Variants in MYO1B observed in about 807,000 individuals in gnomAD.
MYO1B encodes the protein myosin IB.
A neutral mutation model predicts 159.7 loss-of-function variants in MYO1B; 72 were observed. That is an observed-to-expected ratio of 0.45 (90% CI 0.37 to 0.55). MYO1B has a LOEUF of 0.55. Among genes scored for constraint, MYO1B ranks in the 20% least tolerant of loss-of-function variants. The probability of loss-of-function intolerance (pLI) is 0.00; values close to 1 mark genes in which losing one functional copy is unlikely to be tolerated. For synonymous variants in MYO1B, 468 were observed against 473.8 expected (o/e 0.99, Z 0.16); for missense variants, 1,062 against 1,364.8 (o/e 0.78, Z 3.50).
At position 191,276,969 on chromosome 2, in the gene MYO1B, C is replaced by G. The variant is rs780618509; in HGVS notation, c.74C>G (p.Pro25Arg). 6.2e-7 allele frequency: 1 copy of G among 1,613,984 alleles called. No homozygotes were observed. The highest frequency in any genetic ancestry group is 1.1e-5 in the South Asian group (1 of 91,054). The change falls in exon 2 of 31, where the codon CCT becomes CGT. Residue 25 changes from proline (P) to arginine (R), a missense_variant. Pro to Arg is a moderately radical substitution (Grantham distance 103). Coordinates refer to ENST00000392318, the MANE Select transcript of MYO1B (RefSeq NM_001130158.3). ...GTTGGGGATATGGTTCTTTTAGAACCTCTCAATGAGGAGACCTTCATCAAC... is the reference window on the plus strand; with the variant it reads ...GTTGGGGATATGGTTCTTTTAGAACGTCTCAATGAGGAGACCTTCATCAAC... ...IGVGDMVLLE[P>R]LNEETFINNL...
At chr2:191,314,722 CAT>C (rs1030607653) in intron 3 of MYO1B, among the ~76,000 whole-genome samples, 89 of 152,258 alleles carry the variant, frequency 5.8e-4, no homozygotes, top group African/African-American at 2.0e-3. Context: ...TCGTTTTCCA[CAT>C]ATGACTATAG....
At chr2:191,339,584 C>T (rs1471787194) in intron 4 of MYO1B, among the ~76,000 whole-genome samples, 1 of 152,178 alleles carries the variant, frequency 6.6e-6, no homozygotes, top group Non-Finnish European at 1.5e-5. Context: ...AGAAATCAAC[C>T]ACACAGATGA....
intron 7 of MYO1B, among the ~76,000 whole-genome samples, chr2:191,352,173 C>T (rs1271468012): frequency 6.6e-6 from 1 of 152,152 alleles, no homozygotes; most frequent in Non-Finnish European, 1.5e-5. Context: ...ACTCTTTTTA[C>T]AATATATGGC....
intron 11 of MYO1B, 59 bp downstream of exon 11, chr2:191,364,335 T>G (rs149863051): frequency 3.7e-6 from 5 of 1,361,796 alleles, no homozygotes; most frequent in Non-Finnish European, 5.2e-6. Context: ...AATTTTCATA[T>G]AAGTATAAAC....
At chr2:191,304,162 C>T (rs1689501763) in intron 3 of MYO1B, among the ~76,000 whole-genome samples, 2 of 152,348 alleles carry the variant, frequency 1.3e-5, no homozygotes, top group South Asian at 4.1e-4. Context: ...CAGTGGGAAA[C>T]ATCTCTGGGC....
chr2:191,370,646 T>C (rs934084532), intron 13 of MYO1B, among the ~76,000 whole-genome samples: 5 of 152,220 alleles, frequency 3.3e-5, no homozygotes, highest in African/African-American at 1.2e-4. Context: ...TCCAACAAGC[T>C]ACAATGAGTA....
At chr2:191,308,387 T>C (rs1689782743) in intron 3 of MYO1B, among the ~76,000 whole-genome samples, 1 of 152,208 alleles carries the variant, frequency 6.6e-6, no homozygotes, top group Admixed American at 6.5e-5. Flanking sequence ...AGGTTATTGT[T>C]GGAGTTTCTG....
intron 7 of MYO1B, among the ~76,000 whole-genome samples, chr2:191,359,198 A>G (rs1364296876): frequency 6.6e-6 from 1 of 152,036 alleles, no homozygotes; most frequent in African/African-American, 2.4e-5. Context: ...TGTGCTTTGC[A>G]TGTCAGTTTT....
chr2:191,371,041 G>A (rs536481957), intron 13 of MYO1B: 1 of 152,190 alleles, frequency 6.6e-6, no homozygotes, highest in Non-Finnish European at 1.5e-5. Context: ...ATCTACTTAT[G>A]TTAGAATTTC....
chr2:191,252,362 T>G (rs939680364), intron 1 of MYO1B, among the ~76,000 whole-genome samples: 2 of 152,212 alleles, frequency 1.3e-5, no homozygotes, highest in African/African-American at 4.8e-5. Flanking sequence ...TCTGTGACAT[T>G]CAGGAAGGAA....
chr2:191,265,810 C>T (rs954374725), intron 1 of MYO1B, among the ~76,000 whole-genome samples: 2 of 152,318 alleles, frequency 1.3e-5, no homozygotes, highest in Middle Eastern at 3.4e-3. Context: ...TTGGCTGCCT[C>T]GTCCCTCAGG....
At chr2:191,271,537 C>T (rs923024161) in intron 1 of MYO1B, among the ~76,000 whole-genome samples, 1 of 151,976 alleles carries the variant, frequency 6.6e-6, no homozygotes, top group African/African-American at 2.4e-5. Flanking sequence ...AAAAGAAGTT[C>T]CTTCAAATTT....
chr2:191,284,138 A>G (rs1395752588), intron 2 of MYO1B, among the ~76,000 whole-genome samples: 2 of 152,210 alleles, frequency 1.3e-5, no homozygotes, highest in Non-Finnish European at 2.9e-5. Context: ...ACAGCTGCAC[A>G]TGGCTCTTCA....
chr2:191,412,604 C>A (rs1444447233), intron 27 of MYO1B, among the ~76,000 whole-genome samples: 2 of 152,196 alleles, frequency 1.3e-5, no homozygotes, highest in Admixed American at 1.3e-4. Flanking sequence ...GAAACGCTGA[C>A]CACCTACGTG....
rs1237875189 is a variant in MYO1B at position 191,393,192 on chromosome 2, T to A, written c.2196T>A (p.Ile732=). Residue 732 remains isoleucine, a synonymous_variant, in exon 20 of 31, where the codon ATT becomes ATA. Transcript: ENST00000392318. Reference sequence around the variant, plus strand: ...TCCTGCTAATGAAAAAAAGCCAAATTGTGATTGCCGCCTGGTACAGGAGAT... The same window carrying A: ...TCCTGCTAATGAAAAAAAGCCAAATAGTGATTGCCGCCTGGTACAGGAGAT... ...THFLLMKKSQ[I]VIAAWYRRYA... 6.2e-7 allele frequency: 1 copy of A among 1,614,062 alleles called. No individual in the cohort carries two copies. Among genetic ancestry groups the A allele is most frequent in the Admixed American group, 1.7e-5 (1 of 60,022 alleles).
At chr2:191,377,943 C>T (rs1415945290) in intron 13 of MYO1B, 1 of 151,916 alleles carries the variant, frequency 6.6e-6, no homozygotes, top group South Asian at 2.1e-4. Flanking sequence ...ATGCTGATTT[C>T]TGTGGGGAAG....
chr2:191,414,399 T>A, intron 28 of MYO1B, 118 bp from the exon 29 acceptor site: 1 of 1,094,770 alleles, frequency 9.1e-7, no homozygotes, highest in African/African-American at 1.6e-5. Context: ...CGTTCTTGGT[T>A]TACATAGGTA....
At chr2:191,404,144 A>C (rs769769528) in intron 24 of MYO1B, among the ~76,000 whole-genome samples, 10 of 152,200 alleles carry the variant, frequency 6.6e-5, no homozygotes, top group Non-Finnish European at 1.5e-4. Flanking sequence ...GAATCATGTT[A>C]ATATGAATGA....
intron 21 of MYO1B, among the ~76,000 whole-genome samples, chr2:191,396,745 AC>A (rs1384359364): frequency 1.3e-5 from 2 of 152,184 alleles, no homozygotes; most frequent in Non-Finnish European, 2.9e-5. Context: ...TTGAAATAAT[AC>A]CCGTACATGA....
Sources: gnomAD v4.1 joint callset for allele counts (sites outside exome capture counted in the v4.1 genomes callset) on GRCh38, gnomAD v4.1.1 for gene constraint, MANE v1.5 for transcripts, NCBI Gene and HGNC (gene_info 2026-07-23, HGNC 2026-07-21) for gene names.